The following WDR70 variants were observed in gnomAD, a reference collection of about 807,000 sequenced individuals.
WDR70 encodes the protein WD repeat-containing protein 70.
In WDR70, 53 loss-of-function variants were observed where a neutral mutation model predicts 88.6. The observed-to-expected ratio is 0.60, with a 90% confidence interval of 0.48 to 0.75. WDR70 has a LOEUF of 0.75. Among genes scored for constraint, WDR70 ranks in the 30% least tolerant of loss-of-function variants. The probability of loss-of-function intolerance (pLI) is 0.00; values close to 1 mark genes in which losing one functional copy is unlikely to be tolerated. For missense variants in WDR70, 610 were observed against 823.2 expected, an observed-to-expected ratio of 0.74 and a Z score of 3.17; for synonymous variants, 280 against 270.0, an observed-to-expected ratio of 1.04 and a Z score of -0.36.
chr5:37,557,900 T>A (rs201524184), intron 9 of WDR70, among the ~76,000 whole-genome samples: 1 of 128 alleles, frequency 7.8e-3, no homozygotes, highest in African/African-American at 0.024. Context: ...TCTTCAGATT[T>A]ATACTCTTTT....
rs969977214 is a variant in WDR70, at chr5:37,421,877, C to T, written c.493-16045C>T. Among the ~76,000 whole-genome samples the T allele has an allele frequency of 7.3e-5, 11 of 151,342 alleles. No individual in the cohort carries two copies. The South Asian group carries it at 1.7e-3, about 23-fold the overall frequency. On this transcript the variant is annotated intron_variant, in intron 5 of 17. Transcript: ENST00000265107. ...AAAATGGTGCAACTCAGACCCAGCT[C>T]AGCAGGTGAAATTCTCCCTCTCTCT...
At chr5:37,470,058 A>G (rs1739277539) in intron 7 of WDR70, among the ~76,000 whole-genome samples, 1 of 152,096 alleles carries the variant, frequency 6.6e-6, no homozygotes, top group African/African-American at 2.4e-5. Flanking sequence ...CACATTGGCA[A>G]TGGGTAAATA....
intron 10 of WDR70, among the ~76,000 whole-genome samples, chr5:37,623,845 A>G (rs1251395343): frequency 6.6e-6 from 1 of 152,164 alleles, no homozygotes; most frequent in Non-Finnish European, 1.5e-5. Context: ...GTATACATTT[A>G]TTTATTCAGT....
chr5:37,724,012 G>A (rs1418440639), intron 15 of WDR70: 4 of 152,016 alleles, frequency 2.6e-5, no homozygotes, highest in Non-Finnish European at 1.5e-5. Context: ...GAGGTTTTGA[G>A]GTGTTATAGA....
intron 5 of WDR70, 90 bp from the exon 6 acceptor site, chr5:37,437,832 T>A (rs1750518032): frequency 3.1e-6 from 4 of 1,298,708 alleles, no homozygotes; most frequent in Admixed American, 2.9e-5. Flanking sequence ...GATGCAATTT[T>A]AAAAAATTGT....
At chr5:37,399,053 C>T (rs1237997407) in intron 5 of WDR70, among the ~76,000 whole-genome samples, 4 of 152,074 alleles carry the variant, frequency 2.6e-5, no homozygotes, top group Non-Finnish European at 5.9e-5. Context: ...CCGAGATGGG[C>T]GGATCACGAG....
chr5:37,477,333 C>A (rs1483829741), intron 7 of WDR70, among the ~76,000 whole-genome samples: 3 of 152,190 alleles, frequency 2.0e-5, no homozygotes, highest in Non-Finnish European at 4.4e-5. Context: ...TAGCTACTCA[C>A]TTATTTCTTG....
At chr5:37,652,909 T>C (rs986798592) in intron 10 of WDR70, among the ~76,000 whole-genome samples, 2 of 152,206 alleles carry the variant, frequency 1.3e-5, no homozygotes, top group African/African-American at 4.8e-5. Flanking sequence ...ATTTCCTCTC[T>C]TCCTATTCCA....
intron 11 of WDR70, among the ~76,000 whole-genome samples, chr5:37,700,857 G>A (rs1747139032): frequency 6.6e-6 from 1 of 152,126 alleles, no homozygotes; most frequent in Non-Finnish European, 1.5e-5. Context: ...CGCTTTTTAA[G>A]CTCTCTGAAC....
chr5:37,630,106 C>T (rs192554050), intron 10 of WDR70, among the ~76,000 whole-genome samples: 1 of 152,270 alleles, frequency 6.6e-6, no homozygotes, highest in East Asian at 1.9e-4. Flanking sequence ...AGTAGTGCAG[C>T]TTTGCCAGGC....
At chr5:37,553,576 A>T (rs937202504) in intron 9 of WDR70, among the ~76,000 whole-genome samples, 6 of 152,272 alleles carry the variant, frequency 3.9e-5, no homozygotes, top group African/African-American at 1.4e-4. Flanking sequence ...GTGCGTGCGC[A>T]TGTGTGCTTG....
At chr5:37,510,843 A>G (rs1321710535) in intron 8 of WDR70, among the ~76,000 whole-genome samples, 2 of 152,218 alleles carry the variant, frequency 1.3e-5, no homozygotes, top group African/African-American at 4.8e-5. Flanking sequence ...GTGATTTGAT[A>G]AAATATAGAA....
chr5:37,423,041 T>C (rs1428281943), intron 5 of WDR70, among the ~76,000 whole-genome samples: 1 of 152,010 alleles, frequency 6.6e-6, no homozygotes, highest in Non-Finnish European at 1.5e-5. Context: ...CTATGAAGAA[T>C]AGTATTGTAG....
intron 11 of WDR70, among the ~76,000 whole-genome samples, chr5:37,698,308 C>T (rs55708822): frequency 0.24 from 37,160 of 151,916 alleles, 5,157 homozygotes; most frequent in Admixed American, 0.38. Context: ...AAATCTTTAT[C>T]ACATAGATAG....
At chr5:37,643,499 AG>A (rs1440647585) in intron 10 of WDR70, among the ~76,000 whole-genome samples, 2 of 150,290 alleles carry the variant, frequency 1.3e-5, no homozygotes, top group African/African-American at 4.9e-5. Context: ...ATTTTAGTAT[AG>A]TTTTTTTTTT....
At chr5:37,707,724 G>T (rs1187288564) in intron 13 of WDR70, among the ~76,000 whole-genome samples, 2 of 151,138 alleles carry the variant, frequency 1.3e-5, no homozygotes, top group Non-Finnish European at 2.9e-5. Flanking sequence ...AGACCAGCCT[G>T]TCCAACATGA....
At chr5:37,449,681 A>G (rs1017781286) in intron 7 of WDR70, among the ~76,000 whole-genome samples, 5 of 151,888 alleles carry the variant, frequency 3.3e-5, no homozygotes, top group African/African-American at 1.2e-4. Context: ...TCCCTGCCCC[A>G]GTTCTAGAAT....
chr5:37,615,380 A>G (rs1581437336), intron 10 of WDR70, among the ~76,000 whole-genome samples: 1 of 152,172 alleles, frequency 6.6e-6, no homozygotes, highest in African/African-American at 2.4e-5. Flanking sequence ...ATGAAATTTC[A>G]GGACACCAGG....
At chr5:37,639,659 G>A (rs2112539543) in intron 10 of WDR70, among the ~76,000 whole-genome samples, 1 of 152,130 alleles carries the variant, frequency 6.6e-6, no homozygotes, top group Admixed American at 6.5e-5. Flanking sequence ...AGCTCCTTGA[G>A]GGCAATGACT....
Sources: allele counts gnomAD v4.1 joint callset (sites outside exome capture counted in the v4.1 genomes callset), GRCh38; gene constraint gnomAD v4.1.1; transcripts MANE v1.5; gene names NCBI Gene and HGNC (gene_info 2026-07-23, HGNC 2026-07-21).